Variants in GBA2 observed in about 807,000 individuals in gnomAD.
GBA2 encodes glucosylceramidase beta 2.
In GBA2, 79 loss-of-function variants were observed where a neutral mutation model predicts 112.9. The ratio of observed to expected loss-of-function variants is 0.70; its 90% confidence interval spans 0.58 to 0.84. GBA2 has a LOEUF of 0.84. Among genes scored for constraint, GBA2 ranks in the 40% least tolerant of loss-of-function variants. GBA2 has a pLI of 0.00. For missense variants in GBA2, 1,043 were observed against 1,190.0 expected, an observed-to-expected ratio of 0.88 and a Z score of 1.82; for synonymous variants, 403 against 434.3, an observed-to-expected ratio of 0.93 and a Z score of 0.90.
rs766509602 is a variant in GBA2 at position 35,738,851 on chromosome 9, A to G, written c.1848T>C (p.Asp616=). 9.7e-5 allele frequency: 157 copies of G among 1,613,872 alleles called. No individual in the cohort carries two copies. The highest frequency in any genetic ancestry group is 4.0e-4 in the Admixed American group (24 of 60,004). The change falls in exon 12 of 17, where the codon GAT becomes GAC. Residue 616 remains aspartate, a synonymous_variant. Transcript: ENST00000378103. ...VNAYLIHDTA[D]WKDLNLKFVL... ...CAAACTTCAGGTTCAGGTCCTTCCA[A>G]TCAGCAGTATCATGGATTAAATATG...
At position 35,749,079 on chromosome 9, in the gene GBA2, C is replaced by T. The variant is rs1440474763; in HGVS notation, c.-375G>A. On this transcript the variant is annotated 5_prime_UTR_variant, in exon 1 of 17. Transcript: ENST00000378103. The surrounding 1 kb of genome is among the most constrained non-coding windows in gnomAD (Gnocchi z 4.4). ...GGCCCGCAAGGCACCGCCCCCGGGA[C>T]CTCGGCCCGGCCCCTGGGCCACGGC... is the stretch of plus-strand genomic sequence containing the variant. 9.6e-6 allele frequency: 2 copies of T among 209,272 alleles called. No homozygotes were observed. Among genetic ancestry groups the T allele is most frequent in the Non-Finnish European group, 1.9e-5 (2 of 105,260 alleles). The allele number at this position is 209,272 out of a possible 1,614,324, so 13.0% of individuals were successfully genotyped here.
chr9:35,738,456 T>C, intron 13 of GBA2, 70 bp downstream of exon 13: 2 of 1,589,818 alleles, frequency 1.3e-6, no homozygotes, highest in Non-Finnish European at 1.7e-6. Flanking sequence ...AGTCATTCTT[T>C]CTTGAGCCCT....
Position 35,741,363 on chromosome 9 carries a change from C to T in GBA2, c.787-299G>A, listed in dbSNP as rs1483958360. ...TTTGGGGGGTGCGGTGGCGCAATCTCGGCTCACTGCAAGCTCCGCCTCCCG... is the reference window on the plus strand; with the variant it reads ...TTTGGGGGGTGCGGTGGCGCAATCTTGGCTCACTGCAAGCTCCGCCTCCCG... On this transcript the variant is annotated intron_variant, in intron 4 of 16. Transcript: ENST00000378103. This position sits in a 1 kb window ranked among gnomAD's most constrained non-coding sequence, Gnocchi z 4.6. 3.6e-5 allele frequency: 18 copies of T among 501,504 alleles called. 1 individual carries two copies. Among genetic ancestry groups the T allele is most frequent in the African/African-American group, 5.8e-5 (3 of 51,410 alleles). 31.1% of individuals were successfully genotyped at this position (501,504 alleles called of 1,614,324 possible).
Position 35,737,743 on chromosome 9 carries a change from A to G in GBA2, c.2505+5T>C. 3.7e-6 allele frequency: 6 copies of G among 1,613,556 alleles called. No homozygotes were observed. Among genetic ancestry groups the G allele is most frequent in the South Asian group, 1.1e-5 (1 of 91,060 alleles). On this transcript the variant is annotated splice_donor_5th_base_variant and intron_variant, in intron 16 of 16. Coordinates refer to ENST00000378103, the MANE Select transcript of GBA2 (RefSeq NM_020944.3). This position sits in a 1 kb window ranked among gnomAD's most constrained non-coding sequence, Gnocchi z 4.1. ...GGTGGAGAGATGGGAAAAGGAGTGC[A>G]TTACCTCTTGGATCATGGTAGCTGC...
Position 35,748,756 on chromosome 9 carries a change from C to T in GBA2, c.-52G>A. The T allele has an allele frequency of 8.5e-7, 1 of 1,173,288 alleles. No individual in the cohort carries two copies. The highest frequency in any genetic ancestry group is 1.2e-6 in the Non-Finnish European group (1 of 832,744). The allele number at this position is 1,173,288 out of a possible 1,614,324, so 72.7% of individuals were successfully genotyped here. On this transcript the variant is annotated 5_prime_UTR_variant, in exon 1 of 17. Transcript: ENST00000378103. ...CCTCGGATACTAAGTATCTCGCCAG[C>T]CTATTCCAGATGCGGGCGCCGGTCG...
chr9:35,738,449 C>T, intron 13 of GBA2, 75 bp from the exon 14 acceptor site: 2 of 1,591,218 alleles, frequency 1.3e-6, no homozygotes, highest in Non-Finnish European at 8.6e-7. Flanking sequence ...GACAATGAGT[C>T]ATTCTTTCTT....
chr9:35,748,591 C>T lies in GBA2; in HGVS notation c.114G>A (p.Lys38=). 6.2e-7 allele frequency: 1 copy of T among 1,613,744 alleles called. No homozygotes were observed. The highest frequency in any genetic ancestry group is 1.1e-5 in the South Asian group (1 of 91,074). The stretch of plus-strand genomic sequence containing the variant: ...TCTTACAGTCTGTAACCTGCACATC[C>T]TTGGTGCCGCCAGTCTCTTCAGGGC... The part of the protein sequence containing the change: ...VYCPEETGGT[K]DVQVTDCKSP... The change falls in exon 1 of 17, where the codon AAG becomes AAA. Residue 38 remains lysine (K), a synonymous_variant. Coordinates refer to ENST00000378103, the MANE Select transcript of GBA2 (RefSeq NM_020944.3).
In GBA2 at chr9:35,740,984, G is replaced by A. The variant is rs147741018; in HGVS notation, c.867C>T (p.Phe289=). Residue 289 remains phenylalanine, a synonymous_variant, in exon 5 of 17, where the codon TTC becomes TTT. Coordinates refer to ENST00000378103, the MANE Select transcript of GBA2 (RefSeq NM_020944.3). The surrounding 1 kb of genome is among the most constrained non-coding windows in gnomAD (Gnocchi z 4.7). ...GDEALDVSIM[F]SMRNGLGGGD... ...CACCACCCAGTCCATTCCGCATGGA[G>A]AACATGATGGACACATCTAGAGCTT... The A allele has an allele frequency of 3.1e-6, 5 of 1,613,882 alleles. No homozygotes were observed. The highest frequency in any genetic ancestry group is 4.2e-6 in the Non-Finnish European group (5 of 1,179,852).
intron 1 of GBA2, among the ~76,000 whole-genome samples, chr9:35,747,650 T>C (rs1827041250): frequency 6.6e-6 from 1 of 152,220 alleles, no homozygotes; most frequent in African/African-American, 2.4e-5. Context: ...TGTCCTCACA[T>C]CCACCTGTTC....
Position 35,739,678 on chromosome 9 carries a change from C to T in GBA2, c.1532G>A (p.Cys511Tyr). The T allele has an allele frequency of 6.2e-7, 1 of 1,614,122 alleles. No individual in the cohort carries two copies. The change falls in exon 9 of 17, where the codon TGT becomes TAT. Residue 511 changes from cysteine to tyrosine, a missense_variant. By Grantham distance (194) the Cys-to-Tyr change is radical. Coordinates refer to ENST00000378103, the MANE Select transcript of GBA2 (RefSeq NM_020944.3). ...SLPEELGRNM[C>Y]HLRPTLRDYG... ...GTCCCGTAGGGTGGGGCGGAGGTGA[C>T]ACATGTTTCTGCCCAGCTCCTCTGG...
rs771603994 is a variant in GBA2, at chr9:35,748,550, C to G, written c.155G>C (p.Arg52Pro). Residue 52 changes from arginine (R) to proline (P), a missense_variant, in exon 1 of 17, where the codon CGA (arginine) becomes CCA (proline). Transcript: ENST00000378103. ...VTDCKSPEDS[R>P]PPKETDCCNP... ...GCAGCAGTCCGTCTCTTTTGGGGGT[C>G]GGCTGTCTTCGGGACTCTTACAGTC... is the stretch of plus-strand genomic sequence containing the variant. 1 of 1,614,032 alleles carries G rather than the reference C, an allele frequency of 6.2e-7. No homozygotes were observed. Among genetic ancestry groups the G allele is most frequent in the African/African-American group, 1.3e-5 (1 of 74,916 alleles).
Position 35,741,925 on chromosome 9 carries a change from C to A in GBA2, c.568-35G>T. ...GCAGATAGGCTGGAACGGGGTAAAC[C>A]ACAGGGACCACAGACTAAGTCTTCC... is the stretch of plus-strand genomic sequence containing the variant. On this transcript the variant is annotated intron_variant, in intron 3 of 16. Transcript: ENST00000378103. The surrounding 1 kb of genome is among the most constrained non-coding windows in gnomAD (Gnocchi z 4.6). 7.2e-7 allele frequency: 1 copy of A among 1,381,936 alleles called. No homozygotes were observed. Among genetic ancestry groups the A allele is most frequent in the East Asian group, 2.3e-5 (1 of 43,596 alleles). The allele number at this position is 1,381,936 out of a possible 1,614,324, so 85.6% of individuals were successfully genotyped here. A position where few individuals can be genotyped will look rare whatever the true frequency, so the allele number is the denominator to read the frequency against.
Position 35,739,692 on chromosome 9 carries a change from C to T in GBA2, c.1518G>A (p.Leu506=), listed in dbSNP as rs1345406270. The T allele has an allele frequency of 1.2e-6, 2 of 1,614,012 alleles. No homozygotes were observed. Among genetic ancestry groups the T allele is most frequent in the East Asian group, 4.5e-5 (2 of 44,894 alleles). ...GGCGGAGGTGACACATGTTTCTGCCCAGCTCCTCTGGTAGGGAGTCCTCAA... is the reference window on the plus strand; with the variant it reads ...GGCGGAGGTGACACATGTTTCTGCCTAGCTCCTCTGGTAGGGAGTCCTCAA... ...EVLEDSLPEE[L]GRNMCHLRPT... is the part of the protein sequence containing the mutation. Residue 506 remains leucine, a synonymous_variant, in exon 9 of 17, where the codon CTG becomes CTA. Transcript: ENST00000378103.
chr9:35,739,514 G>A (rs1826498528), intron 9 of GBA2, 95 bp from the exon 10 acceptor site: 6 of 1,288,002 alleles, frequency 4.7e-6, no homozygotes, highest in Non-Finnish European at 5.6e-6. Flanking sequence ...GTGGGGCATT[G>A]TTACTAGTCC....
chr9:35,739,487 G>A, intron 9 of GBA2, 68 bp from the exon 10 acceptor site: 1 of 1,333,308 alleles, frequency 7.5e-7, no homozygotes, highest in South Asian at 1.2e-5. Context: ...TCTGTAGCTT[G>A]TCCTCTAGAT....
In GBA2 at chr9:35,748,456, G is replaced by A; in HGVS notation, c.249C>T (p.Pro83=). 1 of 1,614,156 alleles carries A rather than the reference G, an allele frequency of 6.2e-7. No homozygotes were observed. The highest frequency in any genetic ancestry group is 8.5e-7 in the Non-Finnish European group (1 of 1,180,000). The change falls in exon 1 of 17, where the codon CCC becomes CCT. Residue 83 remains proline (P), a synonymous_variant. Transcript: ENST00000378103. ...EGKAMGYQVP[P]FGWRICLAHE... The stretch of plus-strand genomic sequence containing the variant: ...GAGCCAGACAGATGCGCCAGCCAAA[G>A]GGAGGCACCTGGTAGCCCATAGCTT...
intron 8 of GBA2, 80 bp from the exon 9 acceptor site, chr9:35,739,880 G>A: frequency 6.5e-7 from 1 of 1,545,024 alleles, no homozygotes; most frequent in Non-Finnish European, 8.9e-7. Context: ...CAGCAGAGTG[G>A]GATCATCAAA....
intron 3 of GBA2, among the ~76,000 whole-genome samples, chr9:35,742,810 A>G (rs145830306): frequency 1.1e-3 from 162 of 152,362 alleles, no homozygotes; most frequent in African/African-American, 3.2e-3. Context: ...GGTAGGAGCT[A>G]TGAGGGATTA....
In GBA2 at chr9:35,737,966, T is replaced by C; in HGVS notation, c.2314-27A>G. The C allele has an allele frequency of 1.9e-6, 3 of 1,603,404 alleles. No individual in the cohort carries two copies. The highest frequency in any genetic ancestry group is 2.6e-6 in the Non-Finnish European group (3 of 1,174,036). ...TGGAGGGGCAAGGGCAGGAACATGG[T>C]CTCATATACTTACTTCCCACCTCCA... is the stretch of plus-strand genomic sequence containing the variant. On this transcript the variant is annotated intron_variant, in intron 15 of 16. Transcript: ENST00000378103. This position sits in a 1 kb window ranked among gnomAD's most constrained non-coding sequence, Gnocchi z 4.1.
Sources: gnomAD v4.1 joint callset for allele counts (sites outside exome capture counted in the v4.1 genomes callset) on GRCh38, gnomAD v4.1.1 for gene constraint, Gnocchi (gnomAD v3.1) non-coding constraint, MANE v1.5 for transcripts, NCBI Gene and HGNC (gene_info 2026-07-23, HGNC 2026-07-21) for gene names.